Variants in PI16 observed in about 807,000 individuals in gnomAD.
PI16 encodes PSP94-binding protein.
A neutral mutation model predicts 38.0 loss-of-function variants in PI16; 35 were observed. The ratio of observed to expected loss-of-function variants is 0.92; its 90% CI spans 0.70 to 1.22. PI16 has a LOEUF of 1.22. Among genes scored for constraint, PI16 ranks in the 50% most tolerant of loss-of-function variants. PI16 has a pLI of 0.00. For missense variants in PI16, 572 were observed against 593.8 expected (o/e 0.96, Z 0.38); for synonymous variants, 275 against 252.9 (o/e 1.09, Z -0.83).
In PI16 at chr6:36,963,287, C is replaced by A; in HGVS notation, c.945C>A (p.Ile315=). 6.2e-7 allele frequency: 1 copy of A among 1,614,214 alleles called. No homozygotes were observed. Among genetic ancestry groups the A allele is most frequent in the Non-Finnish European group, 8.5e-7 (1 of 1,180,036 alleles). ...TCCCCAAATCGACCCATGTTCCTAT[C>A]CCAAAATCAGCAGACAAAGTGACAG... ...VTFPKSTHVP[I]PKSADKVTDK... Residue 315 remains isoleucine, a synonymous_variant, in exon 5 of 7, where the codon ATC becomes ATA. Transcript: ENST00000373674.
chr6:36,959,987 C>A (rs734905), intron 2 of PI16, among the ~76,000 whole-genome samples: 19,618 of 152,042 alleles, frequency 0.13, 1,456 homozygotes, highest in Admixed American at 0.17. Flanking sequence ...CTAGGCCATA[C>A]TGTACTGGGC....
chr6:36,949,732 C>T (rs1177587926), intron 1 of PI16, among the ~76,000 whole-genome samples: 1 of 152,176 alleles, frequency 6.6e-6, no homozygotes, highest in Non-Finnish European at 1.5e-5. Context: ...TTTGCATATT[C>T]ATTGTAAATA....
At position 36,963,494 on chromosome 6, in the gene PI16, G is replaced by A; in HGVS notation, c.1152G>A (p.Gln384=). The change falls in exon 5 of 7, where the codon CAG becomes CAA. Residue 384 remains glutamine (Q), a synonymous_variant. Transcript: ENST00000373674. ...CCCAGGACAAGCCAGGTGAGCTGCAGGCCACACTGGACCACACGGGGCACA... is the reference window on the plus strand; with the variant it reads ...CCCAGGACAAGCCAGGTGAGCTGCAAGCCACACTGGACCACACGGGGCACA... ...FPAQDKPGEL[Q]ATLDHTGHTS... is the part of the protein sequence containing the mutation. 6.2e-7 allele frequency: 1 copy of A among 1,614,178 alleles called. No individual in the cohort carries two copies. The highest frequency in any genetic ancestry group is 8.5e-7 in the Non-Finnish European group (1 of 1,180,038).
At chr6:36,948,629 T>TCCTCCTTCCCTCCTTCCCCCCTC (rs376605611) in intron 1 of PI16, among the ~76,000 whole-genome samples, 1 of 53,574 alleles carries the variant, frequency 1.9e-5, no homozygotes, top group Non-Finnish European at 3.8e-5. Context: ...TTTCCTTCCT[T>TCCTCCTTCCCTCCTTCCCCCCTC]CCTCCTTCCC....
At chr6:36,961,116 T>C (rs954119417) in intron 2 of PI16, among the ~76,000 whole-genome samples, 5 of 152,190 alleles carry the variant, frequency 3.3e-5, no homozygotes, top group South Asian at 2.1e-4. Flanking sequence ...TCACTTAAAA[T>C]GCAAGGGCCT....
At chr6:36,954,976 T>C (rs1341078025) in intron 1 of PI16, 45 bp downstream of exon 1, 1 of 1,590,734 alleles carries the variant, frequency 6.3e-7, no homozygotes, top group East Asian at 2.3e-5. Flanking sequence ...GAAGGGGTGC[T>C]GGCCAGGGTC....
At chr6:36,959,924 G>A (rs1583234993) in intron 2 of PI16, among the ~76,000 whole-genome samples, 1 of 151,740 alleles carries the variant, frequency 6.6e-6, no homozygotes, top group Admixed American at 6.6e-5. Context: ...GGGTGGGGAC[G>A]GTGGGACATG....
At chr6:36,961,407 G>A (rs1763361737) in intron 2 of PI16, 44 bp from the exon 3 acceptor site, 1 of 1,550,378 alleles carries the variant, frequency 6.5e-7, no homozygotes, top group Non-Finnish European at 8.9e-7. Context: ...AAGGCACCAT[G>A]CCACCTCGCA....
At position 36,959,148 on chromosome 6, in the gene PI16, T is replaced by C; in HGVS notation, c.175T>C (p.Trp59Arg). ...CCTTCTCTCACCTGCCCTGCAGAGATGGGACGAGGAGCTGGCCGCCTTCGC... is the reference window on the plus strand; with the variant it reads ...CCTTCTCTCACCTGCCCTGCAGAGACGGGACGAGGAGCTGGCCGCCTTCGC... ...PTASDMLHMRWDEELAAFAKA... is the reference protein window; with the variant it reads ...PTASDMLHMRRDEELAAFAKA... The change falls in exon 2 of 7, where the codon TGG (tryptophan) becomes CGG (arginine). Residue 59 changes from tryptophan to arginine, a missense_variant. Coordinates refer to ENST00000373674, the MANE Select transcript of PI16 (RefSeq NM_153370.3). 6.2e-7 allele frequency: 1 copy of C among 1,607,444 alleles called. No individual in the cohort carries two copies. The highest frequency in any genetic ancestry group is 8.5e-7 in the Non-Finnish European group (1 of 1,177,786).
chr6:36,963,187 C>G lies in PI16; in HGVS notation c.845C>G (p.Pro282Arg). ...DPPSMATEAP[P>R]CVTTEVPSIL... ...CCCTCCATGGCAACAGAGGCTCCACCTTGCGTAACAACTGAGGTCCCTTCC... is the reference window on the plus strand; with the variant it reads ...CCCTCCATGGCAACAGAGGCTCCACGTTGCGTAACAACTGAGGTCCCTTCC... Residue 282 changes from proline (P) to arginine (R), a missense_variant, in exon 5 of 7, where the codon CCT (proline) becomes CGT (arginine). Transcript: ENST00000373674. The G allele has an allele frequency of 6.2e-7, 1 of 1,614,248 alleles. No homozygotes were observed. Among genetic ancestry groups the G allele is most frequent in the Non-Finnish European group, 8.5e-7 (1 of 1,180,046 alleles).
At chr6:36,948,719 GCTCT>G (rs142273965) in intron 1 of PI16, among the ~76,000 whole-genome samples, 42 of 93,842 alleles carry the variant, frequency 4.5e-4, no homozygotes, top group African/African-American at 1.5e-3. Context: ...TTTCTCTCTC[GCTCT>G]CTCTCTCTCC....
intron 2 of PI16, among the ~76,000 whole-genome samples, chr6:36,960,824 A>C (rs1763343641): frequency 6.6e-6 from 1 of 152,102 alleles, no homozygotes; most frequent in Non-Finnish European, 1.5e-5. Flanking sequence ...ATTTCAGCAG[A>C]GATTCCTGGG....
chr6:36,963,758 TG>T, intron 5 of PI16, 64 bp from the exon 6 acceptor site: 3 of 1,534,130 alleles, frequency 2.0e-6, no homozygotes, highest in Non-Finnish European at 1.8e-6. Context: ...CCTTGCATGG[TG>T]GGGTGGGCGG....
rs775901171 is a variant in PI16 at position 36,963,438 on chromosome 6, TC to T, written c.1098del (p.Ser367ValfsTer71). ...TGAGGCTGAGGCTGAGTTGCCTCCT[TC>T]CAGTGAGGTCTTGGCCTCAGTTTTT... ...EAEAEAELPP[S>X]SEVLASVFPA... On this transcript the variant is annotated frameshift_variant, in exon 5 of 7. Transcript: ENST00000373674. LOFTEE classifies it high-confidence loss of function. 6.2e-7 allele frequency: 1 copy of T among 1,614,126 alleles called. No homozygotes were observed. Among genetic ancestry groups the T allele is most frequent in the South Asian group, 1.1e-5 (1 of 91,084 alleles).
chr6:36,951,572 G>A (rs1255824250), upstream of PI16, among the ~76,000 whole-genome samples: 2 of 152,144 alleles, frequency 1.3e-5, no homozygotes, highest in African/African-American at 2.4e-5. Flanking sequence ...TGTTGTTGTT[G>A]TTGTTGTTGA....
In PI16 at chr6:36,961,770, T is replaced by C. The variant is rs934357970; in HGVS notation, c.504-116T>C. 15 of 1,004,426 alleles carry C rather than the reference T, an allele frequency of 1.5e-5. No homozygotes were observed. The African/African-American group carries it at 1.7e-4, about 12-fold the overall frequency. 62.2% of individuals were successfully genotyped at this position (1,004,426 alleles called of 1,614,324 possible). A position where few individuals can be genotyped will look rare whatever the true frequency, so the allele number is the denominator to read the frequency against. On this transcript the variant is annotated intron_variant, in intron 3 of 6. Coordinates refer to ENST00000373674, the MANE Select transcript of PI16 (RefSeq NM_153370.3). ...AGCCCAAGTTCGCCCAGCAAGTCAGTGGCTGGCAGTCAGGAGACCCAAGGG... is the reference window on the plus strand; with the variant it reads ...AGCCCAAGTTCGCCCAGCAAGTCAGCGGCTGGCAGTCAGGAGACCCAAGGG...
At chr6:36,950,510 C>T (rs956708952), upstream of PI16, among the ~76,000 whole-genome samples, 9 of 150,874 alleles carry the variant, frequency 6.0e-5, no homozygotes, top group Admixed American at 4.6e-4. This position sits in a 1 kb window ranked among gnomAD's most constrained non-coding sequence, Gnocchi z 4.2. Flanking sequence ...ATGCTACTAT[C>T]AACACCGGTG....
chr6:36,961,262 G>A (rs1045507458), intron 2 of PI16, among the ~76,000 whole-genome samples, 189 bp from the exon 3 acceptor site: 1 of 152,208 alleles, frequency 6.6e-6, no homozygotes, highest in Non-Finnish European at 1.5e-5. Flanking sequence ...TAGACTGTTA[G>A]GGACAAACTC....
chr6:36,960,519 T>C (rs527344485), intron 2 of PI16, among the ~76,000 whole-genome samples: 60 of 152,238 alleles, frequency 3.9e-4, no homozygotes, highest in East Asian at 2.9e-3. Context: ...TTTCATGGTA[T>C]TTTTAGTCTT....
Sources: allele counts gnomAD v4.1 joint callset (sites outside exome capture counted in the v4.1 genomes callset), GRCh38; gene constraint gnomAD v4.1.1; non-coding constraint Gnocchi (gnomAD v3.1); transcripts MANE v1.5; gene names NCBI Gene and HGNC (gene_info 2026-07-23, HGNC 2026-07-21).